The following SNX9 variants were observed in gnomAD, a reference collection of about 807,000 sequenced individuals.
SNX9 encodes the protein sorting nexin-9.
In SNX9, 44 loss-of-function variants were observed where a neutral mutation model predicts 89.4. That is an observed-to-expected ratio of 0.49 (90% confidence interval 0.39 to 0.63). The LOEUF (loss-of-function observed/expected upper bound fraction) is 0.63. Among genes scored for constraint, SNX9 ranks in the 30% least tolerant of loss-of-function variants. SNX9 has a pLI of 0.00. For missense variants in SNX9, 578 were observed against 736.1 expected (o/e 0.79, Z 2.49); for synonymous variants, 236 against 247.8 (o/e 0.95, Z 0.45).
intron 1 of SNX9, among the ~76,000 whole-genome samples, chr6:157,842,372 C>T (rs1781719347): frequency 6.6e-6 from 1 of 152,142 alleles, no homozygotes; most frequent in African/African-American, 2.4e-5. Flanking sequence ...CTTGTTGACT[C>T]CAGTGCTCTT....
chr6:157,876,297 CA>C (rs1782519460), intron 4 of SNX9, among the ~76,000 whole-genome samples: 1 of 152,058 alleles, frequency 6.6e-6, no homozygotes, highest in South Asian at 2.1e-4. Flanking sequence ...ACTAAAAATA[CA>C]AAAATTAGCT....
chr6:157,893,576 T>A (rs3805774), intron 4 of SNX9, among the ~76,000 whole-genome samples: 43,446 of 151,158 alleles, frequency 0.29, 7,120 homozygotes, highest in African/African-American at 0.45. Flanking sequence ...TTTCTTGCAA[T>A]TATATTTTTT....
At chr6:157,834,800 G>A (rs2115108026) in intron 1 of SNX9, among the ~76,000 whole-genome samples, 1 of 152,226 alleles carries the variant, frequency 6.6e-6, no homozygotes, top group Non-Finnish European at 1.5e-5. Context: ...CAACTGAAAA[G>A]CAGCTCATAA....
intron 2 of SNX9, among the ~76,000 whole-genome samples, chr6:157,872,165 T>C (rs762081390): frequency 4.6e-5 from 7 of 152,126 alleles, no homozygotes; most frequent in Non-Finnish European, 1.0e-4. Flanking sequence ...CCCCTTAACA[T>C]TGTTAATAAT....
intron 1 of SNX9, among the ~76,000 whole-genome samples, chr6:157,840,407 C>T (rs1323851020): frequency 7.7e-6 from 1 of 129,274 alleles, no homozygotes; most frequent in African/African-American, 3.4e-5. Context: ...ACAAAAAATA[C>T]TTTCTTTCTT....
chr6:157,895,219 G>A (rs887649092), intron 4 of SNX9, among the ~76,000 whole-genome samples: 5 of 152,324 alleles, frequency 3.3e-5, no homozygotes, highest in South Asian at 4.1e-4. Context: ...CAGCCTCAGC[G>A]AGCTGCTGAA....
chr6:157,938,177 G>A (rs886570643), intron 15 of SNX9, among the ~76,000 whole-genome samples: 1 of 152,138 alleles, frequency 6.6e-6, no homozygotes, highest in African/African-American at 2.4e-5. Context: ...AAAAATCAAA[G>A]GAAAGCCCAG....
At chr6:157,907,159 A>G (rs1203184471) in intron 7 of SNX9, among the ~76,000 whole-genome samples, 2 of 152,246 alleles carry the variant, frequency 1.3e-5, no homozygotes, top group Non-Finnish European at 2.9e-5. Context: ...GTTATATTAA[A>G]GATTTTTTTT....
chr6:157,938,539 A>AAATCAGT (rs1783971935), intron 15 of SNX9, 94 bp from the exon 16 acceptor site: 1 of 769,822 alleles, frequency 1.3e-6, no homozygotes, highest in Non-Finnish European at 2.1e-6. Flanking sequence ...GTTCAGTAGC[A>AAATCAGT]AATCAGTTAT....
intron 9 of SNX9, among the ~76,000 whole-genome samples, chr6:157,918,569 G>T (rs937540278): frequency 1.3e-5 from 2 of 152,116 alleles, no homozygotes; most frequent in Admixed American, 6.5e-5. Flanking sequence ...CTCTGCTTTT[G>T]ATTGGGGTTT....
intron 1 of SNX9, among the ~76,000 whole-genome samples, chr6:157,826,814 A>ATT (rs1562585872): frequency 2.7e-5 from 3 of 112,994 alleles, no homozygotes; most frequent in African/African-American, 1.4e-4. Flanking sequence ...TTTTATATAT[A>ATT]AATATATATT....
chr6:157,837,893 C>T (rs1781616688), intron 1 of SNX9, among the ~76,000 whole-genome samples: 1 of 152,180 alleles, frequency 6.6e-6, no homozygotes. Context: ...ACAGCATATG[C>T]TGTACCATTA....
At chr6:157,915,640 A>ATATATATATATAT (rs1554296799) in intron 9 of SNX9, among the ~76,000 whole-genome samples, 11 of 95,136 alleles carry the variant, frequency 1.2e-4, no homozygotes, top group African/African-American at 4.7e-4. Context: ...AAAAAAAAAA[A>ATATATATATATAT]ATATATATAT....
At position 157,938,709 on chromosome 6, in the gene SNX9, T is replaced by C; in HGVS notation, c.1610T>C (p.Met537Thr). The C allele has an allele frequency of 1.2e-6, 2 of 1,613,978 alleles. No individual in the cohort carries two copies. Among genetic ancestry groups the C allele is most frequent in the Non-Finnish European group, 1.7e-6 (2 of 1,179,946 alleles). Residue 537 changes from methionine (M) to threonine (T), a missense_variant, in exon 16 of 18, where the codon ATG becomes ACG. Physicochemically the swap from Met to Thr is moderately conservative, Grantham distance 81. Coordinates refer to ENST00000392185, the MANE Select transcript of SNX9 (RefSeq NM_016224.5). ...ATCACCCTACAAGACAAACAGAACA[T>C]GGTGAAGAGAGTCAGCATCATGTCT... is the stretch of plus-strand genomic sequence containing the variant. ...SKITLQDKQN[M>T]VKRVSIMSYA...
chr6:157,935,072 C>T (rs190593408), intron 13 of SNX9, among the ~76,000 whole-genome samples: 24 of 152,318 alleles, frequency 1.6e-4, no homozygotes, highest in African/African-American at 5.8e-4. Context: ...AGAAATTAAT[C>T]TCAGTTACTT....
Position 157,931,552 on chromosome 6 carries a change from A to G in SNX9, c.1289-643A>G, listed in dbSNP as rs796633467. Among the ~76,000 whole-genome samples the G allele has an allele frequency of 1.1e-3, 164 of 152,372 alleles. 1 individual carries two copies. The East Asian group carries it at 0.027, about 25-fold the overall frequency. ...ATCCTGGAATCTTAGCACCTTAAAAAGAAACCTTAGGGGTCATTTATTGAA... is the reference window on the plus strand; with the variant it reads ...ATCCTGGAATCTTAGCACCTTAAAAGGAAACCTTAGGGGTCATTTATTGAA... On this transcript the variant is annotated intron_variant, in intron 12 of 17. Coordinates refer to ENST00000392185, the MANE Select transcript of SNX9 (RefSeq NM_016224.5).
At chr6:157,910,118 G>A (rs2076573) in intron 9 of SNX9, 93 bp downstream of exon 9, 207,320 of 954,544 alleles carry the variant, frequency 0.22, 23,319 homozygotes, top group Non-Finnish European at 0.23. Flanking sequence ...TTTCCATCCT[G>A]TAGAGCAGCA....
At chr6:157,883,020 A>G (rs979989750) in intron 4 of SNX9, among the ~76,000 whole-genome samples, 1 of 152,198 alleles carries the variant, frequency 6.6e-6, no homozygotes, top group Non-Finnish European at 1.5e-5. Context: ...GAGTCAATTG[A>G]CATGGCAGAC....
At position 157,906,225 on chromosome 6, in the gene SNX9, A is replaced by G; in HGVS notation, c.705+13A>G. 6.3e-7 allele frequency: 1 copy of G among 1,599,484 alleles called. No individual in the cohort carries two copies. The highest frequency in any genetic ancestry group is 8.5e-7 in the Non-Finnish European group (1 of 1,174,184). ...AATTCCCATCATTGTAAGTTTGTTT[A>G]TTTTTGTTTGCTTTCTTTCTGATTA... On this transcript the variant is annotated intron_variant, in intron 7 of 17. Transcript: ENST00000392185.
Sources: gnomAD v4.1 joint callset for allele counts (sites outside exome capture counted in the v4.1 genomes callset) on GRCh38, gnomAD v4.1.1 for gene constraint, MANE v1.5 for transcripts, NCBI Gene and HGNC (gene_info 2026-07-23, HGNC 2026-07-21) for gene names.